ASB16: variants seen among roughly 807,000 people sequenced by gnomAD.
ASB16 encodes ankyrin repeat and SOCS box protein 16.
ASB16 carries 44 observed loss-of-function variants against 39.1 expected under a neutral mutation model. The ratio of observed to expected loss-of-function variants is 1.13; its 90% CI spans 0.88 to 1.45. The LOEUF is 1.45. Among genes scored for constraint, ASB16 ranks in the 40% most tolerant of loss-of-function variants. The pLI is 0.00. For missense variants in ASB16, 698 were observed against 634.5 expected (o/e 1.10, Z -1.07); for synonymous variants, 305 against 286.7 (o/e 1.06, Z -0.64).
In ASB16 at chr17:44,175,402, A is replaced by AT. The variant is rs1491028506; in HGVS notation, c.570-1336_570-1335insT. On this transcript the variant is annotated intron_variant, in intron 2 of 4. Coordinates refer to ENST00000293414, the MANE Select transcript of ASB16 (RefSeq NM_080863.5). ...GGGCAACAGAATGAGACTCCATCTA[A>AT]AAAAAAAAAAAAAAAAAAAAAAAAA... Among the ~76,000 whole-genome samples the AT allele has an allele frequency of 5.2e-5, 3 of 57,698 alleles. No individual in the cohort carries two copies. The South Asian group carries it at 1.2e-3, about 24-fold the overall frequency. The allele number at this position is 57,698 out of a possible 152,430, so 37.9% of individuals were successfully genotyped here. A position where few individuals can be genotyped will look rare whatever the true frequency, so the allele number is the denominator to read the frequency against.
chr17:44,176,823 G>C lies in ASB16; in HGVS notation c.655G>C (p.Ala219Pro), dbSNP rs912280763. 1 of 1,613,020 alleles carries C rather than the reference G, an allele frequency of 6.2e-7. No individual in the cohort carries two copies. Among genetic ancestry groups the C allele is most frequent in the East Asian group, 2.2e-5 (1 of 44,870 alleles). ...GGAGACGCCCCTGCACGTGGCGGCG[G>C]CGCGCGGCCTGGAGCAACATGTGGC... ...SQETPLHVAA[A>P]RGLEQHVALY... Residue 219 changes from alanine to proline, a missense_variant, in exon 3 of 5, where the codon GCG (alanine) becomes CCG (proline). Ala to Pro is a conservative substitution (Grantham distance 27). Transcript: ENST00000293414.
Position 44,177,093 on chromosome 17 carries a change from C to CGCGCTGA in ASB16, c.927_933dup (p.Val312ArgfsTer2). 2.0e-6 allele frequency: 3 copies of CGCGCTGA among 1,477,038 alleles called. No individual in the cohort carries two copies. Among genetic ancestry groups the CGCGCTGA allele is most frequent in the Non-Finnish European group, 1.8e-6 (2 of 1,124,368 alleles). The allele number at this position is 1,477,038 out of a possible 1,614,324, so 91.5% of individuals were successfully genotyped here. On this transcript the variant is annotated frameshift_variant, in exon 3 of 5. Coordinates refer to ENST00000293414, the MANE Select transcript of ASB16 (RefSeq NM_080863.5). LOFTEE classifies it high-confidence loss of function. Reference sequence around the variant, plus strand: ...CGAGCTGCTGCTGCGTTACGGGGCCCGCGCTGAGGTCCCCAATGGGGCGGG... The same window carrying CGCGCTGA: ...CGAGCTGCTGCTGCGTTACGGGGCCCGCGCTGAGCGCTGAGGTCCCCAATGGGGCGGG...
In ASB16 at chr17:44,170,707, G is replaced by A. The variant is rs2054234864; in HGVS notation, c.-83G>A. The A allele has an allele frequency of 1.4e-6, 2 of 1,431,090 alleles. No homozygotes were observed. The highest frequency in any genetic ancestry group is 2.3e-5 in the Admixed American group (1 of 44,404). The allele number at this position is 1,431,090 out of a possible 1,614,324, so 88.6% of individuals were successfully genotyped here. On this transcript the variant is annotated 5_prime_UTR_variant, in exon 1 of 5. Coordinates refer to ENST00000293414, the MANE Select transcript of ASB16 (RefSeq NM_080863.5). ...GGCTCACGGTGGCGGGGGCAGGGTG[G>A]CTCCTCAGAGCAAGGGAGGTAGTCG...
chr17:44,172,303 G>A lies in ASB16; in HGVS notation c.559G>A (p.Glu187Lys), dbSNP rs149793071. 7 of 1,611,818 alleles carry A rather than the reference G, an allele frequency of 4.3e-6. No individual in the cohort carries two copies. In the African/African-American group the frequency reaches 5.3e-5, roughly 12 times the overall value. ...TCCTTTGCACCTCTGCACGATCCCC[G>A]AGTCCTTGCAGTAGGTGCCTGGGGG... Reference protein sequence around the residue: ...TTPLHLCTIPESLQCAKLLLE... With the variant: ...TTPLHLCTIPKSLQCAKLLLE... Residue 187 changes from glutamate (E) to lysine (K), a missense_variant, in exon 2 of 5, where the codon GAG (glutamate) becomes AAG (lysine). Transcript: ENST00000293414.
At position 44,177,726 on chromosome 17, in the gene ASB16, T is replaced by C. The variant is rs2054319960; in HGVS notation, c.1176+4T>C. On this transcript the variant is annotated splice_donor_region_variant and intron_variant, in intron 4 of 4. Transcript: ENST00000293414. ...GGTGCTCCCAGAGCTGTGGAAGGTA[T>C]GTTTGCCTCAGGGCCGAGATGGGGA... 1.2e-6 allele frequency: 2 copies of C among 1,612,984 alleles called. No homozygotes were observed. The highest frequency in any genetic ancestry group is 1.7e-6 in the Non-Finnish European group (2 of 1,179,358).
At chr17:44,178,097 T>C in intron 4 of ASB16, 108 bp from the exon 5 acceptor site, 1 of 1,180,460 alleles carries the variant, frequency 8.5e-7, no homozygotes, top group Admixed American at 2.0e-5. Flanking sequence ...TTGAGACACA[T>C]GAAACACCCA....
chr17:44,171,347 C>T (rs879596664), intron 1 of ASB16, among the ~76,000 whole-genome samples: 5 of 151,990 alleles, frequency 3.3e-5, no homozygotes, highest in Admixed American at 6.6e-5. Flanking sequence ...AGGCGGATCA[C>T]GAAGTCAGAA....
rs1432366559 is a variant in ASB16, at chr17:44,178,324, C to T, written c.1296C>T (p.Thr432=). 1 of 1,611,458 alleles carries T rather than the reference C, an allele frequency of 6.2e-7. No individual in the cohort carries two copies. Among genetic ancestry groups the T allele is most frequent in the Non-Finnish European group, 8.5e-7 (1 of 1,179,290 alleles). The change falls in exon 5 of 5, where the codon ACC becomes ACT. Residue 432 remains threonine (T), a synonymous_variant. Transcript: ENST00000293414. The part of the protein sequence containing the change: ...RLGSRCRQGA[T]RLPLPPLLRD... ...GAAGCCGCTGCCGGCAGGGTGCCAC[C>T]CGGCTGCCACTGCCCCCGCTCCTCA...
chr17:44,175,377 G>A (rs2144185810), intron 2 of ASB16, among the ~76,000 whole-genome samples: 1 of 134,204 alleles, frequency 7.5e-6, no homozygotes, highest in South Asian at 2.3e-4. Flanking sequence ...ACTCCAGCCT[G>A]GGCAACAGAA....
rs146134954 is a variant in ASB16 at position 44,176,797 on chromosome 17, A to C, written c.629A>C (p.Gln210Pro). Reference protein sequence around the residue: ...ATVNLAAGESQETPLHVAAAR... With the variant: ...ATVNLAAGESPETPLHVAAAR... ...GTGAACCTGGCAGCAGGCGAGAGCC[A>C]GGAGACGCCCCTGCACGTGGCGGCG... Residue 210 changes from glutamine (Q) to proline (P), a missense_variant, in exon 3 of 5, where the codon CAG (glutamine) becomes CCG (proline). By Grantham distance (76) the Gln-to-Pro change is moderately conservative. Transcript: ENST00000293414. 10 of 1,613,404 alleles carry C rather than the reference A, an allele frequency of 6.2e-6. No individual in the cohort carries two copies. In the Admixed American group the frequency reaches 1.7e-4, roughly 27 times the overall value.
At chr17:44,173,371 C>A (rs2054259257) in intron 2 of ASB16, among the ~76,000 whole-genome samples, 1 of 148,724 alleles carries the variant, frequency 6.7e-6, no homozygotes. Flanking sequence ...CTAGCCCCTG[C>A]AACAGTTGAG....
At chr17:44,177,295 G>T in intron 3 of ASB16, 65 bp downstream of exon 3, 1 of 1,461,408 alleles carries the variant, frequency 6.8e-7, no homozygotes, top group South Asian at 1.4e-5. Context: ...GAACTGCTCC[G>T]CTTCTGGGGA....
At chr17:44,174,037 ATTTTTTTTTTT>A (rs1157730462) in intron 2 of ASB16, among the ~76,000 whole-genome samples, 1 of 114,720 alleles carries the variant, frequency 8.7e-6, no homozygotes, top group Admixed American at 9.7e-5. Context: ...ACACCTGGCT[ATTTTTTTTTTT>A]TTTTTTTTTG....
intron 4 of ASB16, 155 bp from the exon 5 acceptor site, chr17:44,178,050 T>C: frequency 3.8e-6 from 3 of 783,322 alleles, no homozygotes; most frequent in Non-Finnish European, 6.1e-6. Flanking sequence ...GCCCGCATTA[T>C]CACTGCAGGG....
rs963786176 is a variant in ASB16, at chr17:44,176,829, G to A, written c.661G>A (p.Gly221Ser). The change falls in exon 3 of 5, where the codon GGC becomes AGC. Residue 221 changes from glycine to serine, a missense_variant. Transcript: ENST00000293414. ...GCCCCTGCACGTGGCGGCGGCGCGC[G>A]GCCTGGAGCAACATGTGGCTCTGTA... The part of the protein sequence containing the change: ...ETPLHVAAAR[G>S]LEQHVALYLE... The A allele has an allele frequency of 1.2e-6, 2 of 1,612,030 alleles. No individual in the cohort carries two copies. The highest frequency in any genetic ancestry group is 1.1e-5 in the South Asian group (1 of 91,006).
intron 2 of ASB16, among the ~76,000 whole-genome samples, chr17:44,175,400 TAAAAAAAAA>T (rs10583057): frequency 0.01 from 589 of 56,264 alleles, 5 homozygotes; most frequent in African/African-American, 0.034. Flanking sequence ...AGACTCCATC[TAAAAAAAAA>T]AAAAAAAAAA....
In ASB16 at chr17:44,170,721, G is replaced by C. The variant is rs1418342969; in HGVS notation, c.-69G>C. Reference sequence around the variant, plus strand: ...GGGGCAGGGTGGCTCCTCAGAGCAAGGGAGGTAGTCGGGTCGAGGGAACCT... The same window carrying C: ...GGGGCAGGGTGGCTCCTCAGAGCAACGGAGGTAGTCGGGTCGAGGGAACCT... On this transcript the variant is annotated 5_prime_UTR_variant, in exon 1 of 5. Coordinates refer to ENST00000293414, the MANE Select transcript of ASB16 (RefSeq NM_080863.5). The C allele has an allele frequency of 2.7e-6, 4 of 1,500,228 alleles. No individual in the cohort carries two copies. 92.9% of individuals were successfully genotyped at this position (1,500,228 alleles called of 1,614,324 possible). A position where few individuals can be genotyped will look rare whatever the true frequency, so the allele number is the denominator to read the frequency against.
In ASB16 at chr17:44,177,085, A is replaced by T. The variant is rs2054306141; in HGVS notation, c.917A>T (p.Tyr306Phe). The T allele has an allele frequency of 1.4e-6, 2 of 1,476,032 alleles. No homozygotes were observed. Among genetic ancestry groups the T allele is most frequent in the East Asian group, 5.4e-5 (2 of 37,052 alleles). 91.4% of individuals were successfully genotyped at this position (1,476,032 alleles called of 1,614,324 possible). ...CGGLAELLLR[Y>F]GARAEVPNGA... ...GGCCTGGCCGAGCTGCTGCTGCGTT[A>T]CGGGGCCCGCGCTGAGGTCCCCAAT... Residue 306 changes from tyrosine to phenylalanine, a missense_variant, in exon 3 of 5, where the codon TAC becomes TTC. Physicochemically the swap from Tyr to Phe is conservative, Grantham distance 22 (BLOSUM62 3). Coordinates refer to ENST00000293414, the MANE Select transcript of ASB16 (RefSeq NM_080863.5).
At chr17:44,174,155 T>C (rs971746733) in intron 2 of ASB16, among the ~76,000 whole-genome samples, 1 of 150,856 alleles carries the variant, frequency 6.6e-6, no homozygotes, top group African/African-American at 2.4e-5. Context: ...TTCTCCTGCC[T>C]GAGCCTCCCG....
Sources: gnomAD v4.1 joint callset for allele counts (sites outside exome capture counted in the v4.1 genomes callset) on GRCh38, gnomAD v4.1.1 for gene constraint, MANE v1.5 for transcripts, NCBI Gene and HGNC (gene_info 2026-07-23, HGNC 2026-07-21) for gene names.